MARK1: variants seen among roughly 807,000 people sequenced by gnomAD.
MARK1 encodes serine/threonine-protein kinase MARK1.
MARK1 carries 40 observed loss-of-function variants against 96.3 expected under a neutral mutation model. The ratio of observed to expected loss-of-function variants is 0.42; its 90% CI spans 0.32 to 0.54. The LOEUF is 0.54. Ranked by LOEUF, MARK1 falls within the 20% of genes least tolerant of loss-of-function variation. The probability of loss-of-function intolerance (pLI) is 0.16; values close to 1 mark genes in which losing one functional copy is unlikely to be tolerated. For synonymous variants in MARK1, 317 were observed against 341.2 expected (o/e 0.93, Z 0.78); for missense variants, 719 against 984.6 (o/e 0.73, Z 3.61).
intron 13 of MARK1, among the ~76,000 whole-genome samples, chr1:220,638,535 A>G (rs1201720403): frequency 1.3e-5 from 2 of 152,146 alleles, no homozygotes; most frequent in East Asian, 3.9e-4. Context: ...CCAAATTTAT[A>G]ATCTGTTGTA....
At chr1:220,625,375 A>T (rs1280358251) in intron 9 of MARK1, among the ~76,000 whole-genome samples, 2 of 152,176 alleles carry the variant, frequency 1.3e-5, no homozygotes, top group Non-Finnish European at 2.9e-5. Flanking sequence ...TAGGTGCTGG[A>T]TATGCAATAT....
At chr1:220,553,282 G>A (rs1662000499) in intron 1 of MARK1, among the ~76,000 whole-genome samples, 1 of 152,130 alleles carries the variant, frequency 6.6e-6, no homozygotes, top group Admixed American at 6.5e-5. Flanking sequence ...AAACAACCAG[G>A]TACACTGCTC....
At chr1:220,625,416 T>C (rs1667270712) in intron 9 of MARK1, among the ~76,000 whole-genome samples, 1 of 152,190 alleles carries the variant, frequency 6.6e-6, no homozygotes, top group African/African-American at 2.4e-5. Context: ...CATTCTTTGA[T>C]TGGGTTTATG....
At chr1:220,582,495 T>C (rs939207124) in intron 3 of MARK1, among the ~76,000 whole-genome samples, 5 of 152,212 alleles carry the variant, frequency 3.3e-5, no homozygotes, top group Middle Eastern at 3.2e-3. Context: ...ATGCACAAAC[T>C]GGGTAATTGT....
Position 220,618,884 on chromosome 1 carries a change from T to G in MARK1, c.909+129T>G. On this transcript the variant is annotated intron_variant, in intron 9 of 17. Coordinates refer to ENST00000366917, the MANE Select transcript of MARK1 (RefSeq NM_018650.5). This position sits in a 1 kb window ranked among gnomAD's most constrained non-coding sequence, Gnocchi z 4.6. ...ATCTAATCTGCCTTTTGTTTGTAGG[T>G]AGGGAAAATTACATGACTTTTTTTC... is the stretch of plus-strand genomic sequence containing the variant. 1.3e-6 allele frequency: 1 copy of G among 751,724 alleles called. No homozygotes were observed. Among genetic ancestry groups the G allele is most frequent in the Non-Finnish European group, 2.0e-6 (1 of 493,738 alleles). The allele number at this position is 751,724 out of a possible 1,614,324, so 46.6% of individuals were successfully genotyped here.
chr1:220,545,901 A>G (rs1260412941), intron 1 of MARK1, among the ~76,000 whole-genome samples: 1 of 151,820 alleles, frequency 6.6e-6, no homozygotes, highest in Non-Finnish European at 1.5e-5. Context: ...TTGGCCCTCT[A>G]TTTCCTTCCT....
intron 3 of MARK1, among the ~76,000 whole-genome samples, chr1:220,586,012 C>T (rs1664586893): frequency 4.1e-5 from 2 of 48,430 alleles, no homozygotes; most frequent in African/African-American, 1.0e-4. Context: ...CACACACACA[C>T]GCGCGCGTGC....
intron 9 of MARK1, chr1:220,627,937 C>A (rs1667443498): frequency 6.6e-6 from 1 of 152,150 alleles, no homozygotes; most frequent in South Asian, 2.1e-4. Flanking sequence ...CACTGCCTGC[C>A]CTTTGTCTTC....
At chr1:220,534,895 T>C (rs761594350) in intron 1 of MARK1, among the ~76,000 whole-genome samples, 7 of 152,156 alleles carry the variant, frequency 4.6e-5, no homozygotes, top group Non-Finnish European at 1.0e-4. Context: ...CATTGTATTA[T>C]GTACCTTGTT....
chr1:220,630,990 T>G (rs773105343), intron 9 of MARK1, 45 bp from the exon 10 acceptor site: 16 of 1,314,156 alleles, frequency 1.2e-5, no homozygotes, highest in Non-Finnish European at 8.7e-6. Context: ...AATAAGTGGC[T>G]GAATGTTCTG....
At chr1:220,569,209 G>C (rs1290757002) in intron 1 of MARK1, among the ~76,000 whole-genome samples, 1 of 152,006 alleles carries the variant, frequency 6.6e-6, no homozygotes, top group Non-Finnish European at 1.5e-5. Flanking sequence ...TACATCCTGT[G>C]CACATTCATA....
intron 7 of MARK1, among the ~76,000 whole-genome samples, chr1:220,616,846 CTG>C (rs1280046463): frequency 3.3e-5 from 5 of 152,162 alleles, no homozygotes; most frequent in Non-Finnish European, 5.9e-5. Context: ...TCCCCTGCTT[CTG>C]TGTTTAACTC....
chr1:220,584,832 A>G (rs769692221), intron 3 of MARK1, among the ~76,000 whole-genome samples: 15 of 152,228 alleles, frequency 9.9e-5, no homozygotes, highest in Non-Finnish European at 1.6e-4. Flanking sequence ...TTCCTTAACA[A>G]ATGTCACTAT....
intron 6 of MARK1, among the ~76,000 whole-genome samples, chr1:220,609,392 T>C (rs1435640075): frequency 1.3e-5 from 2 of 152,168 alleles, no homozygotes; most frequent in African/African-American, 4.8e-5. Context: ...CTTTTTTTTG[T>C]TTTCCATTTG....
intron 13 of MARK1, among the ~76,000 whole-genome samples, chr1:220,639,116 C>A (rs539313082): frequency 2.8e-4 from 43 of 152,048 alleles, no homozygotes; most frequent in African/African-American, 9.4e-4. Context: ...TAGTTCCAGG[C>A]TAGTTCCAGC....
rs1665617561 is a variant in MARK1, at chr1:220,599,799, A to G, written c.360A>G (p.Val120=). The G allele has an allele frequency of 4.4e-6, 7 of 1,587,458 alleles. No individual in the cohort carries two copies. The highest frequency in any genetic ancestry group is 1.7e-4 in the Middle Eastern group (1 of 5,972). The change falls in exon 5 of 18, where the codon GTA becomes GTG. Residue 120 remains valine, a splice_region_variant and synonymous_variant. Coordinates refer to ENST00000366917, the MANE Select transcript of MARK1 (RefSeq NM_018650.5). ...IMKILNHPNI[V]KLFEVIETEK... ...GTTATATCTCTAATTTTTTTTCAGT[A>G]AAATTGTTTGAAGTTATTGAAACAG... is the stretch of plus-strand genomic sequence containing the variant.
At position 220,618,563 on chromosome 1, in the gene MARK1, T is replaced by G. The variant is rs757764765; in HGVS notation, c.789+17T>G. On this transcript the variant is annotated intron_variant, in intron 8 of 17. Coordinates refer to ENST00000366917, the MANE Select transcript of MARK1 (RefSeq NM_018650.5). This position sits in a 1 kb window ranked among gnomAD's most constrained non-coding sequence, Gnocchi z 4.6. ...AATTTAAAGGTATCAGCTAAATTCT[T>G]TATTAATGTTTTATCCCCAAGTATG... 2 of 1,612,898 alleles carry G rather than the reference T, an allele frequency of 1.2e-6. No homozygotes were observed.
chr1:220,553,874 C>T (rs1662052097), intron 1 of MARK1, among the ~76,000 whole-genome samples: 1 of 152,210 alleles, frequency 6.6e-6, no homozygotes, highest in South Asian at 2.1e-4. Context: ...CTTCAAGCAC[C>T]AGTGAGTCTT....
chr1:220,657,927 T>C, intron 17 of MARK1, 93 bp downstream of exon 17: 1 of 879,288 alleles, frequency 1.1e-6, no homozygotes, highest in South Asian at 3.3e-5. Flanking sequence ...CATGAATAGA[T>C]CTAATAACTA....
Sources: allele counts gnomAD v4.1 joint callset (sites outside exome capture counted in the v4.1 genomes callset), GRCh38; gene constraint gnomAD v4.1.1; non-coding constraint Gnocchi (gnomAD v3.1); transcripts MANE v1.5; gene names NCBI Gene and HGNC (gene_info 2026-07-23, HGNC 2026-07-21).